The following DUSP19 variants were observed in gnomAD, a reference collection of about 807,000 sequenced individuals.
The protein encoded by DUSP19 is dual specificity phosphatase 19, also known as dual specificity protein phosphatase 19.
A neutral mutation model predicts 16.6 loss-of-function variants in DUSP19; 14 were observed. That is an observed-to-expected ratio of 0.84 (90% confidence interval 0.56 to 1.32). The LOEUF is 1.32. Among genes scored for constraint, DUSP19 ranks in the 40% most tolerant of loss-of-function variants. The pLI, the probability that DUSP19 is intolerant of heterozygous loss-of-function variation, is 0.00. For missense variants in DUSP19, 258 were observed against 255.9 expected (o/e 1.01, Z -0.06); for synonymous variants, 81 against 90.5 (o/e 0.90, Z 0.59).
intron 1 of DUSP19, among the ~76,000 whole-genome samples, chr2:183,082,722 C>T (rs1699608147): frequency 1.3e-5 from 2 of 151,992 alleles, no homozygotes; most frequent in Non-Finnish European, 2.9e-5. Flanking sequence ...CCACTCCTGG[C>T]CAAGAACATG....
Position 183,087,055 on chromosome 2 carries a change from A to T in DUSP19, c.289A>T (p.Asn97Tyr). Residue 97 changes from asparagine (N) to tyrosine (Y), a missense_variant, in exon 3 of 4, where the codon AAT (asparagine) becomes TAT (tyrosine). Physicochemically the swap from Asn to Tyr is moderately radical, Grantham distance 143 (BLOSUM62 -2). Transcript: ENST00000354221. Reference sequence around the variant, plus strand: ...TCTCTTTAAGGTGACTCATATTCTTAATGTTGCATATGGAGTTGAAAATGC... The same window carrying T: ...TCTCTTTAAGGTGACTCATATTCTTTATGTTGCATATGGAGTTGAAAATGC... ...LKKNKVTHIL[N>Y]VAYGVENAFL... is the part of the protein sequence containing the mutation. The T allele has an allele frequency of 6.2e-7, 1 of 1,610,940 alleles. No homozygotes were observed. The highest frequency in any genetic ancestry group is 8.5e-7 in the Non-Finnish European group (1 of 1,179,474).
Position 183,095,924 on chromosome 2 carries a change from C to T in DUSP19, c.*266C>T, listed in dbSNP as rs1255369274. The T allele has an allele frequency of 4.2e-6, 1 of 239,012 alleles. No individual in the cohort carries two copies. Among genetic ancestry groups the T allele is most frequent in the Non-Finnish European group, 8.0e-6 (1 of 124,776 alleles). 14.8% of individuals were successfully genotyped at this position (239,012 alleles called of 1,614,324 possible). ...ACAAAGTGTTAGTAATCATTGCTTT[C>T]TGTAGAAGAAAAAGGTTTAAATTTA... On this transcript the variant is annotated 3_prime_UTR_variant, in exon 4 of 4. Transcript: ENST00000354221.
At chr2:183,093,687 C>G (rs976424281) in intron 3 of DUSP19, among the ~76,000 whole-genome samples, 1 of 152,056 alleles carries the variant, frequency 6.6e-6, no homozygotes, top group Non-Finnish European at 1.5e-5. Flanking sequence ...AAAATAATAT[C>G]ATTTGAAAAC....
chr2:183,079,205 G>T (rs1160377189), intron 1 of DUSP19, 46 bp downstream of exon 1: 2 of 1,545,950 alleles, frequency 1.3e-6, no homozygotes, highest in Non-Finnish European at 8.8e-7. Flanking sequence ...CTTTTAGCCA[G>T]ATTACGTTCT....
At position 183,092,857 on chromosome 2, in the gene DUSP19, C is replaced by T. The variant is rs1412083897; in HGVS notation, c.427-2574C>T. Among the ~76,000 whole-genome samples the T allele has an allele frequency of 2.0e-5, 3 of 151,950 alleles. 1 individual carries two copies. The South Asian group carries it at 6.2e-4, about 32-fold the overall frequency. On this transcript the variant is annotated intron_variant, in intron 3 of 3. Coordinates refer to ENST00000354221, the MANE Select transcript of DUSP19 (RefSeq NM_080876.4). ...TAGCTGGGATTACAGGTGCCCAGCA[C>T]CACGCCCAGCTAATTTTTGTATTTT...
chr2:183,081,447 A>G (rs1205102509), intron 1 of DUSP19, among the ~76,000 whole-genome samples: 1 of 152,038 alleles, frequency 6.6e-6, no homozygotes. Flanking sequence ...CGGTTTTACC[A>G]TGTTGCCCAA....
intron 1 of DUSP19, among the ~76,000 whole-genome samples, chr2:183,081,950 A>G (rs1401612973): frequency 2.0e-5 from 3 of 152,246 alleles, no homozygotes; most frequent in Non-Finnish European, 4.4e-5. Context: ...TGAAATCTTT[A>G]AACTGTGAAA....
At chr2:183,085,878 T>G (rs1699655235) in intron 2 of DUSP19, among the ~76,000 whole-genome samples, 1 of 104,364 alleles carries the variant, frequency 9.6e-6, no homozygotes, top group African/African-American at 4.0e-5. Flanking sequence ...TTTTTTTTTT[T>G]TTTTTGAGGC....
intron 2 of DUSP19, among the ~76,000 whole-genome samples, chr2:183,084,254 G>T (rs891181876): frequency 6.6e-6 from 1 of 152,034 alleles, no homozygotes; most frequent in East Asian, 1.9e-4. Context: ...CCTGGAGGAA[G>T]TGATATTGAA....
intron 3 of DUSP19, 106 bp downstream of exon 3, chr2:183,087,298 T>C: frequency 1.7e-6 from 2 of 1,150,764 alleles, no homozygotes; most frequent in East Asian, 5.3e-5. Flanking sequence ...AAAACAATTA[T>C]GAAATTTCCC....
intron 3 of DUSP19, among the ~76,000 whole-genome samples, chr2:183,091,842 G>A (rs1699735712): frequency 6.6e-6 from 1 of 152,176 alleles, no homozygotes; most frequent in Admixed American, 6.5e-5. Context: ...GGAAATCGGA[G>A]TAAAACAGCC....
At chr2:183,083,374 C>T in intron 1 of DUSP19, 134 bp from the exon 2 acceptor site, 1 of 731,060 alleles carries the variant, frequency 1.4e-6, no homozygotes. Flanking sequence ...TCAAATTGCC[C>T]TTCAGAAAGT....
At chr2:183,086,635 C>T (rs527506051) in intron 2 of DUSP19, among the ~76,000 whole-genome samples, 30 of 145,450 alleles carry the variant, frequency 2.1e-4, no homozygotes, top group Middle Eastern at 3.5e-3. Context: ...AAGTGAGACC[C>T]GCCCCCCTCT....
intron 3 of DUSP19, among the ~76,000 whole-genome samples, chr2:183,095,204 A>G (rs1161270807): frequency 6.6e-6 from 1 of 152,214 alleles, no homozygotes; most frequent in Non-Finnish European, 1.5e-5. Flanking sequence ...AAGCATTTCA[A>G]TCATGGGTTA....
rs1699807413 is a variant in DUSP19 at position 183,096,676 on chromosome 2, G to A, written c.*1018G>A. 6.6e-6 allele frequency: 1 copy of A among 150,948 alleles called. No individual in the cohort carries two copies. Among genetic ancestry groups the A allele is most frequent in the Admixed American group, 6.6e-5 (1 of 15,110 alleles). The allele number at this position is 150,948 out of a possible 1,614,324, so 9.4% of individuals were successfully genotyped here. A position where few individuals can be genotyped will look rare whatever the true frequency, so the allele number is the denominator to read the frequency against. On this transcript the variant is annotated 3_prime_UTR_variant, in exon 4 of 4. Transcript: ENST00000354221. ...CTTACATTTTGTGCTTTTTATCTTG[G>A]GTGCCTAGCATTCTGTTTTTTTGAT... is the stretch of plus-strand genomic sequence containing the variant.
At chr2:183,083,944 A>C (rs1444678475) in intron 2 of DUSP19, among the ~76,000 whole-genome samples, 1 of 152,150 alleles carries the variant, frequency 6.6e-6, no homozygotes, top group Non-Finnish European at 1.5e-5. Context: ...ACTCTACTCC[A>C]TACAACTGAT....
At chr2:183,088,283 C>T (rs913796269) in intron 3 of DUSP19, among the ~76,000 whole-genome samples, 5 of 151,694 alleles carry the variant, frequency 3.3e-5, no homozygotes, top group African/African-American at 7.3e-5. Flanking sequence ...GTTTACACCA[C>T]GAAGAAACTG....
intron 1 of DUSP19, 52 bp downstream of exon 1, chr2:183,079,211 G>T (rs750789609): frequency 1.2e-5 from 18 of 1,527,574 alleles, no homozygotes; most frequent in Middle Eastern, 3.5e-4. Flanking sequence ...GCCAGATTAC[G>T]TTCTCATTTT....
At chr2:183,092,473 A>G (rs1302366418) in intron 3 of DUSP19, among the ~76,000 whole-genome samples, 3 of 152,094 alleles carry the variant, frequency 2.0e-5, no homozygotes, top group Non-Finnish European at 4.4e-5. Flanking sequence ...GCTTCCACCT[A>G]TAAGTGAGAC....
Sources: allele counts gnomAD v4.1 joint callset (sites outside exome capture counted in the v4.1 genomes callset), GRCh38; gene constraint gnomAD v4.1.1; transcripts MANE v1.5; gene names NCBI Gene and HGNC (gene_info 2026-07-23, HGNC 2026-07-21).